Variants in GPHN observed in about 807,000 individuals in gnomAD.
GPHN encodes the protein gephyrin.
In GPHN, 17 loss-of-function variants were observed where a neutral mutation model predicts 95.5. The ratio of observed to expected loss-of-function variants is 0.18; its 90% confidence interval spans 0.12 to 0.27. The LOEUF is 0.27. Ranked by LOEUF, GPHN falls within the 10% of genes least tolerant of loss-of-function variation. The pLI is 1.00. For missense variants in GPHN, 660 were observed against 978.1 expected, an observed-to-expected ratio of 0.67 and a Z score of 4.34; for synonymous variants, 320 against 322.5, an observed-to-expected ratio of 0.99 and a Z score of 0.08.
chr14:66,895,515 AAT>A (rs1455826655), intron 5 of GPHN, among the ~76,000 whole-genome samples: 5 of 152,210 alleles, frequency 3.3e-5, no homozygotes, highest in South Asian at 2.1e-4. Context: ...AATTTTAAAA[AAT>A]ATGTTTATTT....
At chr14:67,332,552 T>C in the GPHN span, among the ~76,000 whole-genome samples, 1 of 152,188 alleles carries the variant, frequency 6.6e-6, no homozygotes, top group Non-Finnish European at 1.5e-5. Context: ...AATAGTGGTA[T>C]AAAACAGGAT....
At chr14:66,579,279 G>A (rs1350297289) in intron 1 of GPHN, among the ~76,000 whole-genome samples, 2 of 151,730 alleles carry the variant, frequency 1.3e-5, no homozygotes, top group African/African-American at 4.8e-5. Context: ...CAGGTAGAGT[G>A]GAAGAAAGGA....
chr14:66,716,702 A>G (rs1285037980), intron 2 of GPHN, among the ~76,000 whole-genome samples: 1 of 152,144 alleles, frequency 6.6e-6, no homozygotes, highest in African/African-American at 2.4e-5. Flanking sequence ...CAGTTCTTGT[A>G]GTGGTGGCTT....
chr14:67,230,229 G>A, the GPHN span, among the ~76,000 whole-genome samples: 1 of 152,144 alleles, frequency 6.6e-6, no homozygotes, highest in South Asian at 2.1e-4. Flanking sequence ...TCAAAAGGCA[G>A]CATACACTGT....
At chr14:67,569,226 A>G in the GPHN span, 1 of 1,603,622 alleles carries the variant, frequency 6.2e-7, no homozygotes, top group Non-Finnish European at 8.5e-7. Context: ...GGTGAGTTCC[A>G]AGTGAGGCTT....
At chr14:66,898,955 TTTAA>T (rs2064997907) in intron 5 of GPHN, among the ~76,000 whole-genome samples, 1 of 151,914 alleles carries the variant, frequency 6.6e-6, no homozygotes, top group South Asian at 2.1e-4. Flanking sequence ...CACTTAAGTA[TTTAA>T]TTGTGTTTTC....
chr14:67,073,952 C>G (rs2076402799), intron 11 of GPHN, among the ~76,000 whole-genome samples: 1 of 152,110 alleles, frequency 6.6e-6, no homozygotes, highest in Non-Finnish European at 1.5e-5. Flanking sequence ...ATGATTCAAT[C>G]TTTTTCACTC....
At chr14:66,745,939 A>G (rs1333053724) in intron 2 of GPHN, among the ~76,000 whole-genome samples, 2 of 152,094 alleles carry the variant, frequency 1.3e-5, no homozygotes, top group African/African-American at 4.8e-5. Context: ...TCAAATAAAT[A>G]GAATCAGAAA....
the GPHN span, among the ~76,000 whole-genome samples, chr14:67,669,448 T>C: frequency 5.3e-5 from 8 of 151,804 alleles, no homozygotes; most frequent in Admixed American, 1.3e-4. Flanking sequence ...TTTTTTTTTT[T>C]GTAGAGATAG....
chr14:66,927,408 T>G (rs953332465), intron 8 of GPHN, among the ~76,000 whole-genome samples: 4 of 152,154 alleles, frequency 2.6e-5, no homozygotes, highest in Non-Finnish European at 5.9e-5. Flanking sequence ...ATCCTGCCAC[T>G]TTACTGAATT....
the GPHN span, among the ~76,000 whole-genome samples, chr14:67,435,187 A>C: frequency 6.6e-6 from 1 of 151,950 alleles, no homozygotes; most frequent in Non-Finnish European, 1.5e-5. Flanking sequence ...GGCTGGTCTC[A>C]AACTCCTGAC....
In GPHN at chr14:66,728,658, AT is replaced by A. The variant is rs1330262064; in HGVS notation, c.143+47476del. On this transcript the variant is annotated intron_variant, in intron 2 of 22. Transcript: ENST00000478722. ...CCCTTTGTTTTGGCCAATTTCTCCC[AT>A]TTGTAAGGGCTGTATTTACCTGTAC... 3.3e-5 allele frequency among the ~76,000 whole-genome samples: 5 copies of A among 152,118 alleles called. No individual in the cohort carries two copies. In the South Asian group the frequency reaches 1.0e-3, roughly 32 times the overall value.
intron 18 of GPHN, among the ~76,000 whole-genome samples, chr14:67,155,865 A>G (rs1052258159): frequency 6.6e-6 from 1 of 152,206 alleles, no homozygotes; most frequent in Non-Finnish European, 1.5e-5. Context: ...AGAAAATTTT[A>G]CCAGAAGGAC....
At chr14:67,298,885 ATTTGTCATT>A in the GPHN span, among the ~76,000 whole-genome samples, 1 of 152,134 alleles carries the variant, frequency 6.6e-6, no homozygotes, top group South Asian at 2.1e-4. Flanking sequence ...TGTTTTACAA[ATTTGTCATT>A]TGTGGACATT....
At chr14:67,032,990 C>G (rs1201882586) in intron 10 of GPHN, among the ~76,000 whole-genome samples, 1 of 152,104 alleles carries the variant, frequency 6.6e-6, no homozygotes, top group African/African-American at 2.4e-5. Flanking sequence ...AAAAAGGTCA[C>G]TGATCTAAGA....
At chr14:67,579,338 C>T in the GPHN span, 4 of 1,459,586 alleles carry the variant, frequency 2.7e-6, no homozygotes, top group South Asian at 4.4e-5. Context: ...GCTCTTTGCC[C>T]CGAGTCTTCT....
intron 11 of GPHN, among the ~76,000 whole-genome samples, chr14:67,067,861 C>A: frequency 6.6e-6 from 1 of 152,210 alleles, no homozygotes; most frequent in East Asian, 1.9e-4. Flanking sequence ...CAATCTGTCA[C>A]GGCTTCCCTT....
At chr14:66,760,612 G>C in intron 2 of GPHN, 1 of 393,786 alleles carries the variant, frequency 2.5e-6, no homozygotes, top group South Asian at 2.1e-5. Flanking sequence ...ATGATTGCAA[G>C]GTGTTCAGAT....
chr14:67,343,883 T>C, the GPHN span, among the ~76,000 whole-genome samples: 1 of 152,174 alleles, frequency 6.6e-6, no homozygotes, highest in Non-Finnish European at 1.5e-5. Flanking sequence ...ACAAAATTCT[T>C]GTGAGATTTC....
Sources: allele counts gnomAD v4.1 joint callset (sites outside exome capture counted in the v4.1 genomes callset), GRCh38; gene constraint gnomAD v4.1.1; transcripts MANE v1.5; gene names NCBI Gene and HGNC (gene_info 2026-07-23, HGNC 2026-07-21).